PEX5L: variants seen among roughly 807,000 people sequenced by gnomAD.
The protein encoded by PEX5L is PEX5-related protein.
Under a neutral mutation model 84.0 loss-of-function variants are expected in PEX5L, and 30 were observed. That is an observed-to-expected ratio of 0.36 (90% CI 0.27 to 0.48). The LOEUF is 0.48. Among genes scored for constraint, PEX5L ranks in the 20% least tolerant of loss-of-function variants. The pLI, the probability that PEX5L is intolerant of heterozygous loss-of-function variation, is 0.99. For missense variants in PEX5L, 533 were observed against 754.6 expected, an observed-to-expected ratio of 0.71 and a Z score of 3.44; for synonymous variants, 270 against 283.1, an observed-to-expected ratio of 0.95 and a Z score of 0.46.
intron 1 of PEX5L, among the ~76,000 whole-genome samples, chr3:180,011,618 T>C (rs951408111): frequency 4.6e-5 from 7 of 152,162 alleles, no homozygotes; most frequent in Non-Finnish European, 8.8e-5. Flanking sequence ...TTGTGATAAT[T>C]TGCTTAAGTG....
rs572487248 is a variant in PEX5L at position 180,002,599 on chromosome 3, T to C, written c.22-30934A>G. Among the ~76,000 whole-genome samples the C allele has an allele frequency of 9.2e-5, 14 of 152,284 alleles. No individual in the cohort carries two copies. In the East Asian group the frequency reaches 2.3e-3, roughly 25 times the overall value. ...GGGCAATTTGTGAGAACTTTTTGTA[T>C]AGTATATCCATTTACTCTTTGTCAA... On this transcript the variant is annotated intron_variant, in intron 1 of 14. Transcript: ENST00000467460.
At chr3:179,960,819 C>G (rs1781818712) in intron 2 of PEX5L, among the ~76,000 whole-genome samples, 1 of 152,108 alleles carries the variant, frequency 6.6e-6, no homozygotes, top group South Asian at 2.1e-4. Context: ...AGGGACTACT[C>G]CAATAGTTCA....
intron 3 of PEX5L, among the ~76,000 whole-genome samples, chr3:179,896,792 G>A (rs1163450668): frequency 2.0e-5 from 3 of 152,114 alleles, no homozygotes; most frequent in African/African-American, 7.2e-5. Context: ...TCACCTGAGG[G>A]ACTGTGGACT....
At chr3:179,985,467 A>G (rs916459467) in intron 1 of PEX5L, among the ~76,000 whole-genome samples, 17 of 152,192 alleles carry the variant, frequency 1.1e-4, no homozygotes, top group South Asian at 1.0e-3. Flanking sequence ...CCTCAGCTCT[A>G]TATTCAAATT....
chr3:179,973,130 C>T (rs1478989120), intron 1 of PEX5L: 2 of 1,222,474 alleles, frequency 1.6e-6, no homozygotes, highest in Admixed American at 2.6e-5. Flanking sequence ...CTTAGAAGTG[C>T]CTTTCCAAAT....
At chr3:180,026,263 C>A (rs1485478253) in intron 1 of PEX5L, among the ~76,000 whole-genome samples, 1 of 151,248 alleles carries the variant, frequency 6.6e-6, no homozygotes, top group African/African-American at 2.4e-5. Context: ...CTCTAAAGAC[C>A]TTTATACCTC....
At chr3:179,940,081 G>A (rs1775653582) in intron 2 of PEX5L, among the ~76,000 whole-genome samples, 1 of 152,130 alleles carries the variant, frequency 6.6e-6, no homozygotes, top group Non-Finnish European at 1.5e-5. Context: ...AAGAGGGATG[G>A]ACTATGTGCT....
At chr3:180,036,435 C>G (rs568435517) in intron 1 of PEX5L, 144 bp downstream of exon 1, 23 of 834,632 alleles carry the variant, frequency 2.8e-5, no homozygotes, top group Non-Finnish European at 4.5e-5. Context: ...CCCGGCAGCA[C>G]CGGACAGAAA....
chr3:179,858,591 A>C (rs886644191), intron 8 of PEX5L, among the ~76,000 whole-genome samples: 8 of 152,188 alleles, frequency 5.3e-5, no homozygotes, highest in Admixed American at 5.2e-4. Context: ...ATTAGCTAGA[A>C]TATTCCAGCC....
intron 2 of PEX5L, among the ~76,000 whole-genome samples, chr3:179,969,249 A>T (rs544500575): frequency 2.0e-4 from 30 of 152,240 alleles, no homozygotes; most frequent in South Asian, 1.9e-3. Flanking sequence ...TTACATGAAG[A>T]TTAACTATAA....
In PEX5L at chr3:179,974,120, C is replaced by T. The variant is rs145113802; in HGVS notation, c.22-2455G>A. The T allele has an allele frequency of 8.1e-6, 8 of 985,584 alleles. No homozygotes were observed. In the African/African-American group the frequency reaches 1.2e-4, roughly 15 times the overall value. The allele number at this position is 985,584 out of a possible 1,614,324, so 61.1% of individuals were successfully genotyped here. On this transcript the variant is annotated intron_variant, in intron 1 of 14. Coordinates refer to ENST00000467460, the MANE Select transcript of PEX5L (RefSeq NM_016559.3). ...GATCTTCAGCTCTCCTCCCTCCTCCCAGCCGGGAATCCCTGTCTTCTATCT... is the reference window on the plus strand; with the variant it reads ...GATCTTCAGCTCTCCTCCCTCCTCCTAGCCGGGAATCCCTGTCTTCTATCT...
chr3:180,014,434 T>C (rs778028753), intron 1 of PEX5L, among the ~76,000 whole-genome samples: 3 of 151,154 alleles, frequency 2.0e-5, no homozygotes, highest in African/African-American at 4.9e-5. Flanking sequence ...ATCGCGCCAC[T>C]GCACTCCAGC....
chr3:179,977,990 T>C lies in PEX5L; in HGVS notation c.22-6325A>G, dbSNP rs146652622. Among the ~76,000 whole-genome samples, 456 of 152,340 alleles carry C rather than the reference T, an allele frequency of 3.0e-3. 2 individuals carry two copies. Among genetic ancestry groups the C allele is most frequent in the African/African-American group, 0.01 (435 of 41,582 alleles). On this transcript the variant is annotated intron_variant, in intron 1 of 14. Coordinates refer to ENST00000467460, the MANE Select transcript of PEX5L (RefSeq NM_016559.3). ...TATGGCAATCAGACTCACTTCTGAA[T>C]GTACGTTGTTGGGTGAGAAAAGAAA...
intron 14 of PEX5L, among the ~76,000 whole-genome samples, chr3:179,805,354 C>T (rs956279234): frequency 8.6e-5 from 13 of 151,884 alleles, no homozygotes; most frequent in Admixed American, 6.6e-4. Context: ...CCTTGGTATC[C>T]GTGGGGGATT....
At position 180,027,518 on chromosome 3, in the gene PEX5L, G is replaced by A. The variant is rs75856708; in HGVS notation, c.21+9061C>T. 9.4e-3 allele frequency among the ~76,000 whole-genome samples: 1,430 copies of A among 151,852 alleles called. 35 individuals are homozygous for A. The highest frequency in any genetic ancestry group is 0.032 in the African/African-American group (1,329 of 41,402). On this transcript the variant is annotated intron_variant, in intron 1 of 14. Transcript: ENST00000467460. ...TCTATGTATATATACACACACACAT[G>A]CATACACATAAGATTATTAAATATA... is the stretch of plus-strand genomic sequence containing the variant.
intron 1 of PEX5L, among the ~76,000 whole-genome samples, chr3:179,988,388 C>CAATA (rs56669562): frequency 0.05 from 7,117 of 143,452 alleles, 300 homozygotes; most frequent in African/African-American, 0.11. Context: ...AAATCTGCCT[C>CAATA]AATAAATAAA....
intron 8 of PEX5L, among the ~76,000 whole-genome samples, chr3:179,856,240 A>G (rs925465656): frequency 3.9e-5 from 6 of 152,266 alleles, no homozygotes; most frequent in Non-Finnish European, 4.4e-5. Flanking sequence ...CACATAGTAC[A>G]TTCTTTAACA....
intron 2 of PEX5L, among the ~76,000 whole-genome samples, chr3:179,914,437 A>G (rs895575534): frequency 6.6e-6 from 1 of 152,168 alleles, no homozygotes; most frequent in African/African-American, 2.4e-5. Flanking sequence ...AATTCCATGT[A>G]TTCTTCTAGA....
intron 2 of PEX5L, among the ~76,000 whole-genome samples, chr3:179,940,975 G>A (rs185151148): frequency 1.2e-4 from 18 of 152,312 alleles, no homozygotes; most frequent in Admixed American, 6.5e-4. Flanking sequence ...TGTGCCAGGC[G>A]TTATGGTAGG....
Sources: gnomAD v4.1 joint callset for allele counts (sites outside exome capture counted in the v4.1 genomes callset) on GRCh38, gnomAD v4.1.1 for gene constraint, MANE v1.5 for transcripts, NCBI Gene and HGNC (gene_info 2026-07-23, HGNC 2026-07-21) for gene names.